Variants in AGBL4 observed in about 807,000 individuals in gnomAD.
AGBL4 encodes cytosolic carboxypeptidase 6.
In AGBL4, 58 loss-of-function variants were observed where a neutral mutation model predicts 66.4. That is an observed-to-expected ratio of 0.87 (90% CI 0.71 to 1.09). The LOEUF (loss-of-function observed/expected upper bound fraction) is 1.09, where lower values mean the gene tolerates loss of function less well. Ranked by LOEUF, AGBL4 falls within the 50% of genes least tolerant of loss-of-function variation. The pLI is 0.00. For synonymous variants in AGBL4, 234 were observed against 222.9 expected (o/e 1.05, Z -0.44); for missense variants, 579 against 631.0 (o/e 0.92, Z 0.88).
intron 5 of AGBL4, among the ~76,000 whole-genome samples, chr1:48,956,945 A>C (rs1191595851): frequency 6.6e-6 from 1 of 152,192 alleles, no homozygotes; most frequent in East Asian, 1.9e-4. Context: ...ATTTTTAAAT[A>C]TTTCAAATAT....
intron 3 of AGBL4, among the ~76,000 whole-genome samples, chr1:49,685,139 T>A (rs1646764186): frequency 1.3e-5 from 2 of 152,202 alleles, no homozygotes; most frequent in African/African-American, 4.8e-5. Context: ...AGCTCCCAAT[T>A]ATAAGTGAGA....
At chr1:48,806,816 G>A (rs938445996) in intron 6 of AGBL4, among the ~76,000 whole-genome samples, 2 of 152,198 alleles carry the variant, frequency 1.3e-5, no homozygotes, top group Non-Finnish European at 2.9e-5. Flanking sequence ...TCAGGAAACA[G>A]CACCACTGGG....
intron 3 of AGBL4, among the ~76,000 whole-genome samples, chr1:49,391,016 G>T (rs1401389115): frequency 1.3e-5 from 2 of 152,144 alleles, no homozygotes; most frequent in African/African-American, 2.4e-5. Context: ...TAAAGAATGA[G>T]TGGAAGAGGA....
intron 3 of AGBL4, among the ~76,000 whole-genome samples, chr1:49,345,391 T>C (rs564872524): frequency 1.3e-5 from 2 of 152,276 alleles, no homozygotes; most frequent in South Asian, 2.1e-4. Context: ...CTTGTTTTGA[T>C]CATCTTTAAA....
chr1:49,179,584 C>G (rs1346793775), intron 4 of AGBL4, among the ~76,000 whole-genome samples: 1 of 151,766 alleles, frequency 6.6e-6, no homozygotes, highest in Admixed American at 6.6e-5. Context: ...ATTCAGAAGT[C>G]AACACTAGCA....
chr1:49,436,312 A>C (rs896935192), intron 3 of AGBL4, among the ~76,000 whole-genome samples: 16 of 152,176 alleles, frequency 1.1e-4, no homozygotes, highest in African/African-American at 3.6e-4. Flanking sequence ...ATCAAGATTA[A>C]ATAAAAATAT....
intron 4 of AGBL4, among the ~76,000 whole-genome samples, chr1:49,084,193 C>T (rs1296227178): frequency 6.6e-6 from 1 of 150,740 alleles, no homozygotes; most frequent in Non-Finnish European, 1.5e-5. Context: ...CCCACACTTT[C>T]CTATCTTCTG....
At chr1:49,288,886 A>G (rs1420240203) in intron 3 of AGBL4, among the ~76,000 whole-genome samples, 1 of 152,234 alleles carries the variant, frequency 6.6e-6, no homozygotes. Flanking sequence ...TGGTAAAAAA[A>G]AATTAAATCC....
chr1:48,736,487 C>T lies in AGBL4; in HGVS notation c.635-73246G>A. 6.3e-7 allele frequency: 1 copy of T among 1,583,164 alleles called. No individual in the cohort carries two copies. The highest frequency in any genetic ancestry group is 8.7e-7 in the Non-Finnish European group (1 of 1,153,046). ...ATAAGAACACCAGCACCTGTTTAGT[C>T]CGACAGGAGGGCAGTGGGAGGCTTC... On this transcript the variant is annotated intron_variant, in intron 6 of 13. Transcript: ENST00000371839. This position sits in a 1 kb window ranked among gnomAD's most constrained non-coding sequence, Gnocchi z 4.0.
chr1:48,531,748 C>T (rs532678552), downstream of AGBL4, among the ~76,000 whole-genome samples: 7 of 136,836 alleles, frequency 5.1e-5, no homozygotes, highest in South Asian at 1.8e-3. Flanking sequence ...TATTCCCACT[C>T]CCTCTTATTA....
chr1:49,721,263 A>G (rs2124686943), intron 2 of AGBL4, among the ~76,000 whole-genome samples: 1 of 152,296 alleles, frequency 6.6e-6, no homozygotes, highest in East Asian at 1.9e-4. Flanking sequence ...AACAGTGGCA[A>G]TCCGCTCGGG....
chr1:48,548,603 G>C (rs376993383), intron 11 of AGBL4, among the ~76,000 whole-genome samples: 2 of 152,152 alleles, frequency 1.3e-5, no homozygotes, highest in Non-Finnish European at 2.9e-5. Flanking sequence ...TCCCTTCCCT[G>C]TCCTGCTCCT....
At chr1:49,827,498 T>C (rs1001203230) in intron 2 of AGBL4, among the ~76,000 whole-genome samples, 2 of 152,200 alleles carry the variant, frequency 1.3e-5, no homozygotes, top group Admixed American at 6.5e-5. Context: ...CACATCTAGA[T>C]ACAGACACAA....
chr1:48,670,174 G>T (rs1228073148), intron 6 of AGBL4, among the ~76,000 whole-genome samples: 5 of 152,202 alleles, frequency 3.3e-5, no homozygotes, highest in Non-Finnish European at 5.9e-5. Context: ...GTCTTAATAT[G>T]TCTTGGACAT....
At chr1:48,869,718 C>T (rs751098687) in intron 5 of AGBL4, among the ~76,000 whole-genome samples, 4 of 152,102 alleles carry the variant, frequency 2.6e-5, no homozygotes, top group Non-Finnish European at 4.4e-5. Flanking sequence ...TGCTTACAGG[C>T]TCCCTCTTCT....
At chr1:48,572,789 C>T (rs1205355379) in intron 11 of AGBL4, among the ~76,000 whole-genome samples, 1 of 152,214 alleles carries the variant, frequency 6.6e-6, no homozygotes, top group East Asian at 1.9e-4. Context: ...TTCCAATCCT[C>T]GATGTGGAAG....
At position 48,938,888 on chromosome 1, in the gene AGBL4, T is replaced by G. The variant is rs184719133; in HGVS notation, c.595-71658A>C. Reference sequence around the variant, plus strand: ...GTAATAAGTACATCATGCCTGTTACTGAACACTTACCCTGTGCCATAGACT... The same window carrying G: ...GTAATAAGTACATCATGCCTGTTACGGAACACTTACCCTGTGCCATAGACT... On this transcript the variant is annotated intron_variant, in intron 5 of 13. Transcript: ENST00000371839. Among the ~76,000 whole-genome samples the G allele has an allele frequency of 8.4e-4, 128 of 152,352 alleles. 1 individual carries two copies. The highest frequency in any genetic ancestry group is 7.0e-3 in the Admixed American group (107 of 15,306).
intron 2 of AGBL4, among the ~76,000 whole-genome samples, chr1:49,849,393 T>TTTTTTATTATTA (rs368034488): frequency 7.7e-6 from 1 of 130,080 alleles, no homozygotes; most frequent in African/African-American, 2.7e-5. Flanking sequence ...ATTCATCTAA[T>TTTTTTATTATTA]TTATTATTAT....
intron 11 of AGBL4, among the ~76,000 whole-genome samples, chr1:48,542,749 G>A (rs1644094551): frequency 6.6e-6 from 1 of 152,130 alleles, no homozygotes; most frequent in Admixed American, 6.5e-5. Flanking sequence ...CCCTTTGTCA[G>A]ATGGAGAGAT....
Sources: allele counts gnomAD v4.1 joint callset (sites outside exome capture counted in the v4.1 genomes callset), GRCh38; gene constraint gnomAD v4.1.1; non-coding constraint Gnocchi (gnomAD v3.1); transcripts MANE v1.5; gene names NCBI Gene and HGNC (gene_info 2026-07-23, HGNC 2026-07-21).